NUCKS1: variants seen among roughly 807,000 people sequenced by gnomAD.
The protein encoded by NUCKS1 is nuclear ubiquitous casein and cyclin-dependent kinase substrate 1.
Under a neutral mutation model 33.0 loss-of-function variants are expected in NUCKS1, and 2 were observed. The observed-to-expected ratio is 0.06, with a 90% confidence interval of 0.02 to 0.19. The LOEUF is 0.19. NUCKS1 is among the 10% of genes least tolerant of loss of function. The pLI is 1.00. For synonymous variants in NUCKS1, 106 were observed against 102.8 expected (o/e 1.03, Z -0.19); for missense variants, 201 against 293.6 (o/e 0.68, Z 2.31).
intron 1 of NUCKS1, among the ~76,000 whole-genome samples, chr1:205,733,573 G>A (rs1653965534): frequency 6.6e-6 from 1 of 151,654 alleles, no homozygotes; most frequent in Admixed American, 6.6e-5. Context: ...AACCTAAATT[G>A]CTTGACAGAT....
chr1:205,728,483 T>C (rs1653829281), intron 2 of NUCKS1, among the ~76,000 whole-genome samples: 1 of 152,152 alleles, frequency 6.6e-6, no homozygotes, highest in African/African-American at 2.4e-5. Context: ...ATACTCAAAA[T>C]AGAAATAATA....
At chr1:205,723,752 G>A (rs1671959367) in intron 4 of NUCKS1, among the ~76,000 whole-genome samples, 174 bp downstream of exon 4, 3 of 152,132 alleles carry the variant, frequency 2.0e-5, no homozygotes, top group Non-Finnish European at 2.9e-5. Flanking sequence ...AAGATTCATA[G>A]ATGACTGTAA....
Position 205,740,575 on chromosome 1 carries a change from ACT to A in NUCKS1, c.17+9380_17+9381del, listed in dbSNP as rs1354331900. Among the ~76,000 whole-genome samples, 4 of 151,990 alleles carry A rather than the reference ACT, an allele frequency of 2.6e-5. No homozygotes were observed. In the East Asian group the frequency reaches 7.8e-4, roughly 30 times the overall value. On this transcript the variant is annotated intron_variant, in intron 1 of 6. Transcript: ENST00000367142. ...TGTTGCAATGAGATCAGGCCACTGC[ACT>A]CTAGCCTGAGCGACAGATTGAGACC...
At chr1:205,747,525 GCCATAGGTACATT>G (rs1654361751) in intron 1 of NUCKS1, among the ~76,000 whole-genome samples, 1 of 152,140 alleles carries the variant, frequency 6.6e-6, no homozygotes, top group Non-Finnish European at 1.5e-5. Flanking sequence ...ATGCTAAGGT[GCCATAGGTACATT>G]TCCAAATGCT....
At chr1:205,722,335 C>T (rs889750599) in intron 4 of NUCKS1, among the ~76,000 whole-genome samples, 2 of 152,208 alleles carry the variant, frequency 1.3e-5, no homozygotes, top group Non-Finnish European at 2.9e-5. Context: ...CAGCTCACTG[C>T]AACCTCTGCC....
intron 1 of NUCKS1, among the ~76,000 whole-genome samples, chr1:205,745,633 T>TA (rs1201378176): frequency 2.0e-5 from 3 of 152,158 alleles, no homozygotes; most frequent in African/African-American, 4.8e-5. Context: ...GAGGAGATAT[T>TA]AAAAAAAACC....
intron 4 of NUCKS1, among the ~76,000 whole-genome samples, 164 bp downstream of exon 4, chr1:205,723,762 A>T (rs1190790966): frequency 1.3e-5 from 2 of 152,210 alleles, no homozygotes; most frequent in Non-Finnish European, 2.9e-5. Flanking sequence ...GATGACTGTA[A>T]TAAGCCACCA....
intron 4 of NUCKS1, among the ~76,000 whole-genome samples, chr1:205,723,540 T>C (rs1022878266): frequency 2.6e-5 from 4 of 152,142 alleles, no homozygotes; most frequent in Non-Finnish European, 5.9e-5. Context: ...CACTCCCCCT[T>C]TTTATGCCCC....
At chr1:205,740,262 C>T (rs544289873) in intron 1 of NUCKS1, among the ~76,000 whole-genome samples, 1 of 152,052 alleles carries the variant, frequency 6.6e-6, no homozygotes, top group Admixed American at 6.5e-5. Context: ...ACCTCGGCCT[C>T]CCAAAGTGCT....
chr1:205,746,190 G>A (rs141580399), intron 1 of NUCKS1, among the ~76,000 whole-genome samples: 1 of 152,158 alleles, frequency 6.6e-6, no homozygotes, highest in East Asian at 1.9e-4. Flanking sequence ...CAGCTACTCT[G>A]AGGCTGAGGC....
intron 5 of NUCKS1, 54 bp from the exon 6 acceptor site, chr1:205,719,730 T>A (rs1671888708): frequency 5.7e-6 from 9 of 1,566,104 alleles, no homozygotes; most frequent in Non-Finnish European, 6.9e-6. Flanking sequence ...TCCTTCCAAG[T>A]AAAAAAGGAA....
chr1:205,715,594 G>A lies in NUCKS1; in HGVS notation c.*2686C>T, dbSNP rs1671808443. ...CTACGTATGTCTAGCTGGGGAAGGG[G>A]GGATCTGGAAAAAAAATCTTAAGAA... On this transcript the variant is annotated 3_prime_UTR_variant, in exon 7 of 7. Transcript: ENST00000367142. 6.6e-6 allele frequency: 1 copy of A among 152,210 alleles called. No individual in the cohort carries two copies. The highest frequency in any genetic ancestry group is 6.6e-5 in the Admixed American group (1 of 15,266). The allele number at this position is 152,210 out of a possible 1,614,324, so 9.4% of individuals were successfully genotyped here.
At chr1:205,727,393 G>T (rs1772146) in intron 3 of NUCKS1, among the ~76,000 whole-genome samples, 134,034 of 152,196 alleles carry the variant, frequency 0.88, 59,986 homozygotes, top group Non-Finnish European at 0.97. Flanking sequence ...GACAGCAAAA[G>T]GCAGCAGGCT....
At chr1:205,721,546 G>C (rs1671917324) in intron 4 of NUCKS1, among the ~76,000 whole-genome samples, 1 of 152,180 alleles carries the variant, frequency 6.6e-6, no homozygotes, top group Admixed American at 6.5e-5. Context: ...TAGTATGAGA[G>C]AGAAAGAATG....
At chr1:205,725,446 C>T (rs1454790351) in intron 3 of NUCKS1, among the ~76,000 whole-genome samples, 1 of 152,172 alleles carries the variant, frequency 6.6e-6, no homozygotes, top group Non-Finnish European at 1.5e-5. Context: ...CAAACATATT[C>T]CTTTACTAAG....
chr1:205,716,983 C>T lies in NUCKS1; in HGVS notation c.*1297G>A, dbSNP rs558157313. 2.0e-5 allele frequency: 3 copies of T among 152,294 alleles called. No homozygotes were observed. Among genetic ancestry groups the T allele is most frequent in the African/African-American group, 7.2e-5 (3 of 41,540 alleles). The allele number at this position is 152,294 out of a possible 1,614,324, so 9.4% of individuals were successfully genotyped here. A position where few individuals can be genotyped will look rare whatever the true frequency, so the allele number is the denominator to read the frequency against. ...TGAATTGTATGGGAGCAGCATTTAA[C>T]ATATTCCTAGTCAAGGACAGGATGG... On this transcript the variant is annotated 3_prime_UTR_variant, in exon 7 of 7. Coordinates refer to ENST00000367142, the MANE Select transcript of NUCKS1 (RefSeq NM_022731.5).
At chr1:205,738,822 A>C (rs1025473663) in intron 1 of NUCKS1, among the ~76,000 whole-genome samples, 11 of 152,132 alleles carry the variant, frequency 7.2e-5, no homozygotes, top group Non-Finnish European at 1.3e-4. Context: ...GTGGGAGAAT[A>C]GCTTGAGCCT....
intron 1 of NUCKS1, among the ~76,000 whole-genome samples, chr1:205,731,979 TTAAGACA>T (rs1653925800): frequency 6.6e-6 from 1 of 152,148 alleles, no homozygotes. Context: ...GCTGTATAGA[TTAAGACA>T]CCATTTAAAT....
chr1:205,727,657 G>T, intron 3 of NUCKS1, 43 bp downstream of exon 3: 2 of 1,280,240 alleles, frequency 1.6e-6, no homozygotes, highest in Non-Finnish European at 2.3e-6. Context: ...TCATCTCAGA[G>T]TGGTAACAGT....
Sources: allele counts gnomAD v4.1 joint callset (sites outside exome capture counted in the v4.1 genomes callset), GRCh38; gene constraint gnomAD v4.1.1; transcripts MANE v1.5; gene names NCBI Gene and HGNC (gene_info 2026-07-23, HGNC 2026-07-21).